RPS6KA5: variants seen among roughly 807,000 people sequenced by gnomAD.
RPS6KA5 encodes ribosomal protein S6 kinase alpha-5.
In RPS6KA5, 27 loss-of-function variants were observed where a neutral mutation model predicts 85.5. That is an observed-to-expected ratio of 0.32 (90% confidence interval 0.23 to 0.44). RPS6KA5 has a LOEUF of 0.44. Ranked by LOEUF, RPS6KA5 falls within the 20% of genes least tolerant of loss-of-function variation. RPS6KA5 has a pLI of 1.00. For synonymous variants in RPS6KA5, 334 were observed against 348.2 expected (o/e 0.96, Z 0.46); for missense variants, 811 against 980.9 (o/e 0.83, Z 2.31).
intron 2 of RPS6KA5, among the ~76,000 whole-genome samples, chr14:90,995,836 T>C (rs2040492748): frequency 6.6e-6 from 1 of 152,120 alleles, no homozygotes; most frequent in Non-Finnish European, 1.5e-5. Context: ...TCCCAGCACT[T>C]TGGGAAGCCA....
intron 3 of RPS6KA5, among the ~76,000 whole-genome samples, chr14:90,955,164 G>A (rs917434860): frequency 6.6e-6 from 1 of 152,066 alleles, no homozygotes; most frequent in East Asian, 1.9e-4. Flanking sequence ...ATCTTAAGGT[G>A]GAAGACTGGG....
At chr14:90,928,334 T>G (rs529757189) in intron 5 of RPS6KA5, among the ~76,000 whole-genome samples, 1 of 152,036 alleles carries the variant, frequency 6.6e-6, no homozygotes, top group Non-Finnish European at 1.5e-5. Context: ...TAAATATTAG[T>G]GAGCTGGATG....
chr14:90,973,643 G>A (rs551191298), intron 3 of RPS6KA5, among the ~76,000 whole-genome samples: 16 of 151,902 alleles, frequency 1.1e-4, no homozygotes, highest in South Asian at 4.1e-4. Flanking sequence ...GGAATGGAAC[G>A]AAGGACTGTG....
At chr14:90,920,448 T>A in intron 6 of RPS6KA5, 139 bp from the exon 7 acceptor site, 1 of 612,686 alleles carries the variant, frequency 1.6e-6, no homozygotes, top group Non-Finnish European at 2.9e-6. Context: ...TAAGGAGTAT[T>A]AAATTAACAC....
chr14:90,996,185 T>G (rs796295024), intron 2 of RPS6KA5, among the ~76,000 whole-genome samples: 20 of 150,800 alleles, frequency 1.3e-4, no homozygotes, highest in African/African-American at 4.9e-4. Context: ...GGCTAATTTG[T>G]TTTTTTTGTT....
intron 3 of RPS6KA5, among the ~76,000 whole-genome samples, chr14:90,964,266 C>T (rs755039210): frequency 2.6e-5 from 4 of 152,188 alleles, no homozygotes; most frequent in East Asian, 1.9e-4. Context: ...TAGCCTTGGG[C>T]GCCTTTTTTT....
At chr14:90,947,278 C>T (rs117236605) in intron 4 of RPS6KA5, among the ~76,000 whole-genome samples, 157 bp downstream of exon 4, 5,068 of 152,170 alleles carry the variant, frequency 0.033, 150 homozygotes, top group Middle Eastern at 0.068. Context: ...TTTTTTCAAA[C>T]GGAATTATGA....
At position 90,857,739 on chromosome 14, in the gene RPS6KA5, C is replaced by T. The variant is rs1423481392; in HGVS notation, c.*14335G>A. On this transcript the variant is annotated 3_prime_UTR_variant, in exon 17 of 17. Transcript: ENST00000614987. ...CAGTCTCTTTTTTCTCACTCCCAAC[C>T]CCCACACAAGAAAAGTCTATTTTAA... is the stretch of plus-strand genomic sequence containing the variant. The T allele has an allele frequency of 6.6e-6, 1 of 152,092 alleles. No homozygotes were observed. Among genetic ancestry groups the T allele is most frequent in the East Asian group, 1.9e-4 (1 of 5,200 alleles). The allele number at this position is 152,092 out of a possible 1,614,324, so 9.4% of individuals were successfully genotyped here. A position where few individuals can be genotyped will look rare whatever the true frequency, so the allele number is the denominator to read the frequency against.
At chr14:90,896,709 T>C (rs1566707475) in intron 12 of RPS6KA5, among the ~76,000 whole-genome samples, 1 of 151,956 alleles carries the variant, frequency 6.6e-6, no homozygotes, top group Admixed American at 6.6e-5. Flanking sequence ...TCCTCAACAT[T>C]TTTTTTCTTT....
At chr14:90,915,726 A>C (rs1030856936) in intron 7 of RPS6KA5, among the ~76,000 whole-genome samples, 1 of 152,014 alleles carries the variant, frequency 6.6e-6, no homozygotes, top group Non-Finnish European at 1.5e-5. Flanking sequence ...AAATCACTTT[A>C]ACTTGGGAGG....
At position 91,001,177 on chromosome 14, in the gene RPS6KA5, G is replaced by GA. The variant is rs539608571; in HGVS notation, c.104-19dup. 32,058 of 1,324,978 alleles carry GA rather than the reference G, an allele frequency of 0.024. No individual in the cohort carries two copies. The highest frequency in any genetic ancestry group is 0.032 in the South Asian group (2,167 of 66,874). 82.1% of individuals were successfully genotyped at this position (1,324,978 alleles called of 1,614,324 possible). ...CAAATTAGCTAAAAGAAAAAAAGAG[G>GA]AAAAAAAAAACAAGAGGGTCAGCAA... is the stretch of plus-strand genomic sequence containing the variant. On this transcript the variant is annotated intron_variant, in intron 1 of 16. Transcript: ENST00000614987.
chr14:90,938,612 C>A (rs1362802040), intron 5 of RPS6KA5, among the ~76,000 whole-genome samples: 4 of 152,218 alleles, frequency 2.6e-5, no homozygotes, highest in Non-Finnish European at 5.9e-5. Flanking sequence ...GGTTCCCAAA[C>A]CTCAATTCTT....
At chr14:90,873,907 C>A in intron 15 of RPS6KA5, 112 bp from the exon 16 acceptor site, 1 of 774,436 alleles carries the variant, frequency 1.3e-6, no homozygotes, top group Admixed American at 2.5e-5. Context: ...TTCTATATAG[C>A]TTTAACCTCC....
chr14:90,963,515 T>C (rs983981481), intron 3 of RPS6KA5, among the ~76,000 whole-genome samples: 1 of 152,220 alleles, frequency 6.6e-6, no homozygotes, highest in East Asian at 1.9e-4. Context: ...TCCTCTATGT[T>C]AGTTGGCATT....
chr14:91,016,401 G>A (rs2041498848), intron 1 of RPS6KA5, among the ~76,000 whole-genome samples: 1 of 151,988 alleles, frequency 6.6e-6, no homozygotes, highest in Non-Finnish European at 1.5e-5. Context: ...GCCAAAATAA[G>A]ACAACTGTCA....
intron 1 of RPS6KA5, among the ~76,000 whole-genome samples, chr14:91,031,972 C>T (rs923170340): frequency 2.6e-5 from 4 of 152,066 alleles, no homozygotes; most frequent in Admixed American, 6.6e-5. Flanking sequence ...TTATATGGAT[C>T]GTTTTAATAA....
At chr14:90,943,246 C>G in intron 4 of RPS6KA5, 61 bp from the exon 5 acceptor site, 1 of 898,052 alleles carries the variant, frequency 1.1e-6, no homozygotes, top group Non-Finnish European at 1.7e-6. Flanking sequence ...TTAGGGCAGT[C>G]TTTCTCGTCT....
intron 3 of RPS6KA5, among the ~76,000 whole-genome samples, chr14:90,951,845 T>C (rs2038206991): frequency 6.6e-6 from 1 of 152,174 alleles, no homozygotes; most frequent in Non-Finnish European, 1.5e-5. Context: ...CTTTGGAAAT[T>C]GGCTATTGCC....
chr14:90,919,958 G>A (rs761197423), intron 7 of RPS6KA5, among the ~76,000 whole-genome samples: 21 of 152,048 alleles, frequency 1.4e-4, no homozygotes, highest in Non-Finnish European at 2.6e-4. Context: ...GTGCTCTGGG[G>A]CACACCAAAA....
Sources: allele counts gnomAD v4.1 joint callset (sites outside exome capture counted in the v4.1 genomes callset), GRCh38; gene constraint gnomAD v4.1.1; transcripts MANE v1.5; gene names NCBI Gene and HGNC (gene_info 2026-07-23, HGNC 2026-07-21).